RGPD4: variants seen among roughly 807,000 people sequenced by gnomAD.
The protein encoded by RGPD4 is RANBP2 like and GRIP domain containing 4.
Under a neutral mutation model 141.1 loss-of-function variants are expected in RGPD4, and 84 were observed. The ratio of observed to expected loss-of-function variants is 0.60; its 90% CI spans 0.50 to 0.71. The LOEUF is 0.71. RGPD4 is among the 30% of genes least tolerant of loss of function. The probability of loss-of-function intolerance (pLI) is 0.00; values close to 1 mark genes in which losing one functional copy is unlikely to be tolerated. For missense variants in RGPD4, 918 were observed against 1,622.4 expected (o/e 0.57, Z 7.46); for synonymous variants, 298 against 566.8 (o/e 0.53, Z 6.74).
Position 107,892,251 on chromosome 2 carries a change from A to G in RGPD4, c.*1520A>G, listed in dbSNP as rs1186138606. Among the ~76,000 whole-genome samples, 2 of 53,122 alleles carry G rather than the reference A, an allele frequency of 3.8e-5. 1 individual carries two copies. Among genetic ancestry groups the G allele is most frequent in the Non-Finnish European group, 7.6e-5 (2 of 26,406 alleles). 34.9% of individuals were successfully genotyped at this position (53,122 alleles called of 152,430 possible). On this transcript the variant is annotated 3_prime_UTR_variant, in exon 23 of 23. Transcript: ENST00000408999. ...ATGAATGAAAATGCATCTATTTCAG[A>G]GCCGACATGAAGAGTTTAGTTTTTT...
Position 107,882,661 on chromosome 2 carries a change from T to G in RGPD4, c.5065-11T>G, listed in dbSNP as rs763287653. ...CTAAAGCCCATTTTTAACTCATTTC[T>G]CTAACACCAGCTTCTCAAAAGTGAA... On this transcript the variant is annotated splice_polypyrimidine_tract_variant and intron_variant, in intron 21 of 22. Transcript: ENST00000408999. 6.2e-7 allele frequency: 1 copy of G among 1,610,878 alleles called. No homozygotes were observed. Among genetic ancestry groups the G allele is most frequent in the East Asian group, 2.2e-5 (1 of 44,850 alleles).
In RGPD4 at chr2:107,859,738, A is replaced by T; in HGVS notation, c.1651A>T (p.Lys551Ter). 4.3e-6 allele frequency: 7 copies of T among 1,611,310 alleles called. No homozygotes were observed. The highest frequency in any genetic ancestry group is 5.9e-6 in the Non-Finnish European group (7 of 1,179,848). The change falls in exon 12 of 23, where the codon AAA becomes TAA. Residue 551 changes from lysine (K) to a stop codon, truncating the protein, a stop_gained. Transcript: ENST00000408999. LOFTEE classifies it high-confidence loss of function. ...ATTTTTTAGACCTGGAAACTCAGCA[A>T]AATTGAGACTTTTAGTTCAGCATGA... Reference protein sequence around the residue: ...HRKAVPGNSAKLRLLVQHEIN... With the variant: ...HRKAVPGNSA
chr2:107,885,441 G>T (rs574243929), intron 22 of RGPD4, among the ~76,000 whole-genome samples: 12 of 152,238 alleles, frequency 7.9e-5, no homozygotes, highest in African/African-American at 2.9e-4. Flanking sequence ...TGTAGATGTT[G>T]CTAATGTCCA....
At chr2:107,881,349 G>T (rs1033739020) in intron 21 of RGPD4, among the ~76,000 whole-genome samples, 1 of 149,974 alleles carries the variant, frequency 6.7e-6, no homozygotes, top group Non-Finnish European at 1.5e-5. Context: ...AGATAGTCTC[G>T]CTCTGTCACT....
chr2:107,829,043 C>G (rs1681356950), intron 1 of RGPD4, among the ~76,000 whole-genome samples: 1 of 15,206 alleles, frequency 6.6e-5, no homozygotes, highest in Non-Finnish European at 1.4e-4. Flanking sequence ...GGCGTCATGG[C>G]TCCCGACGGG....
At chr2:107,852,228 G>C (rs1338374499) in intron 7 of RGPD4, among the ~76,000 whole-genome samples, 3 of 118,946 alleles carry the variant, frequency 2.5e-5, no homozygotes, top group Middle Eastern at 5.2e-3. Context: ...CTGCAGCCTG[G>C]CAACAGAGCG....
intron 7 of RGPD4, among the ~76,000 whole-genome samples, chr2:107,854,126 C>T (rs1212258276): frequency 3.0e-5 from 4 of 133,048 alleles, no homozygotes; most frequent in East Asian, 2.1e-4. Context: ...ACAGTCTCGG[C>T]GCACTACAAC....
chr2:107,833,169 G>T (rs1681554154), intron 1 of RGPD4, among the ~76,000 whole-genome samples: 1 of 150,076 alleles, frequency 6.7e-6, no homozygotes, highest in Non-Finnish European at 1.5e-5. Context: ...TTTTTTGGAG[G>T]ATTTTAGGGG....
Position 107,871,128 on chromosome 2 carries a change from G to A in RGPD4, c.3124G>A (p.Val1042Ile). The A allele has an allele frequency of 6.2e-7, 1 of 1,610,862 alleles. No homozygotes were observed. Among genetic ancestry groups the A allele is most frequent in the Non-Finnish European group, 8.5e-7 (1 of 1,179,786 alleles). ...CGATGACATCCATTTTGAACCAGTA[G>A]TTCAAATGCCTGAAAAAGTAGAACT... ...DSDDIHFEPV[V>I]QMPEKVELVI... is the part of the protein sequence containing the mutation. Residue 1042 changes from valine to isoleucine, a missense_variant, in exon 20 of 23, where the codon GTT (valine) becomes ATT (isoleucine). Transcript: ENST00000408999.
chr2:107,826,898 G>C lies in RGPD4; in HGVS notation c.-116G>C. 1 of 1,541,702 alleles carries C rather than the reference G, an allele frequency of 6.5e-7. No individual in the cohort carries two copies. The highest frequency in any genetic ancestry group is 2.5e-5 in the East Asian group (1 of 40,468). ...CGCAGGACACAAGTTCGTCACAGTG[G>C]TCCTCCGCCGGCTACGCGGAGTCAG... On this transcript the variant is annotated 5_prime_UTR_variant, in exon 1 of 23. Transcript: ENST00000408999.
intron 20 of RGPD4, among the ~76,000 whole-genome samples, chr2:107,875,666 T>A (rs1402177297): frequency 7.2e-6 from 1 of 138,866 alleles, no homozygotes. Context: ...TTTTCAGCCA[T>A]ATGAATGGTC....
chr2:107,831,579 T>C (rs1303318795), intron 1 of RGPD4, among the ~76,000 whole-genome samples: 17 of 137,816 alleles, frequency 1.2e-4, no homozygotes, highest in African/African-American at 1.4e-4. Context: ...TTTCTTTTTT[T>C]TTTTTTTTTT....
chr2:107,829,534 G>A (rs1262178770), intron 1 of RGPD4, among the ~76,000 whole-genome samples: 1 of 137,314 alleles, frequency 7.3e-6, no homozygotes, highest in Non-Finnish European at 1.5e-5. Context: ...TGTTGAGGCG[G>A]CGGCCTCGAC....
chr2:107,854,054 CTT>C (rs1052579812), intron 7 of RGPD4, among the ~76,000 whole-genome samples: 32 of 125,882 alleles, frequency 2.5e-4, no homozygotes, highest in Middle Eastern at 4.1e-3. Context: ...TGGCCCCTCT[CTT>C]TTTTTTTTTT....
At position 107,866,900 on chromosome 2, in the gene RGPD4, A is replaced by G. The variant is rs1489644055; in HGVS notation, c.2605+575A>G. On this transcript the variant is annotated intron_variant, in intron 18 of 22. Coordinates refer to ENST00000408999, the MANE Select transcript of RGPD4 (RefSeq NM_182588.3). Reference sequence around the variant, plus strand: ...AGCATTTGTGTATGTGCAGGTGGGCATGGGTGTGTATCAGACATTTATTAG... The same window carrying G: ...AGCATTTGTGTATGTGCAGGTGGGCGTGGGTGTGTATCAGACATTTATTAG... Among the ~76,000 whole-genome samples the G allele has an allele frequency of 4.0e-3, 596 of 148,216 alleles. 2 individuals carry two copies. The highest frequency in any genetic ancestry group is 0.014 in the African/African-American group (551 of 39,624).
intron 22 of RGPD4, among the ~76,000 whole-genome samples, chr2:107,883,672 G>T (rs1243821269): frequency 1.6e-4 from 23 of 143,060 alleles, no homozygotes; most frequent in Admixed American, 1.2e-3. Context: ...AGTTAGAGTT[G>T]GTTTCCATGT....
At position 107,827,031 on chromosome 2, in the gene RGPD4, C is replaced by T; in HGVS notation, c.18C>T (p.Ala6=). The change falls in exon 1 of 23, where the codon GCC becomes GCT. Residue 6 remains alanine, a synonymous_variant. Transcript: ENST00000408999. The part of the protein sequence containing the change: MSCSK[A]YGERYVASVQ... Reference sequence around the variant, plus strand: ...GTGGCGCGATGAGTTGCAGCAAGGCCTACGGGGAGCGGTACGTCGCCTCCG... The same window carrying T: ...GTGGCGCGATGAGTTGCAGCAAGGCTTACGGGGAGCGGTACGTCGCCTCCG... The T allele has an allele frequency of 6.3e-7, 1 of 1,599,764 alleles. No homozygotes were observed. Among genetic ancestry groups the T allele is most frequent in the Non-Finnish European group, 8.5e-7 (1 of 1,174,628 alleles).
chr2:107,875,514 G>C (rs1291002313), intron 20 of RGPD4, among the ~76,000 whole-genome samples: 1 of 141,674 alleles, frequency 7.1e-6, no homozygotes, highest in African/African-American at 2.8e-5. Flanking sequence ...TACATGGCAT[G>C]CTTCATGACT....
Position 107,836,405 on chromosome 2 carries a change from A to G in RGPD4, c.73-197A>G, listed in dbSNP as rs1164371138. Among the ~76,000 whole-genome samples the G allele has an allele frequency of 3.1e-5, 4 of 128,544 alleles. No homozygotes were observed. The East Asian group carries it at 8.2e-4, about 26-fold the overall frequency. The allele number at this position is 128,544 out of a possible 152,430, so 84.3% of individuals were successfully genotyped here. A position where few individuals can be genotyped will look rare whatever the true frequency, so the allele number is the denominator to read the frequency against. On this transcript the variant is annotated intron_variant, in intron 1 of 22. Transcript: ENST00000408999. ...TGGGATTACAGGCATGAGCCGCTGC[A>G]CCCAGCTCTATTTTTTGTTTTGTGA...
Sources: gnomAD v4.1 joint callset for allele counts (sites outside exome capture counted in the v4.1 genomes callset) on GRCh38, gnomAD v4.1.1 for gene constraint, MANE v1.5 for transcripts, NCBI Gene and HGNC (gene_info 2026-07-23, HGNC 2026-07-21) for gene names.